The following SEMA3A variants were observed in gnomAD, a reference collection of about 807,000 sequenced individuals.
The protein encoded by SEMA3A is semaphorin 3A, also known as semaphorin-3A.
SEMA3A carries 29 observed loss-of-function variants against 97.9 expected under a neutral mutation model. The observed-to-expected ratio is 0.30, with a 90% confidence interval of 0.22 to 0.40. SEMA3A has a LOEUF of 0.40. SEMA3A is among the 10% of genes least tolerant of loss of function. The pLI is 1.00. For missense variants in SEMA3A, 763 were observed against 951.3 expected, an observed-to-expected ratio of 0.80 and a Z score of 2.60; for synonymous variants, 321 against 323.7, an observed-to-expected ratio of 0.99 and a Z score of 0.09.
chr7:84,219,289 T>C (rs1798820202), intron 3 of SEMA3A, among the ~76,000 whole-genome samples: 1 of 152,192 alleles, frequency 6.6e-6, no homozygotes, highest in African/African-American at 2.4e-5. Flanking sequence ...TTTTCAGATG[T>C]CTGACAGAAG....
intron 15 of SEMA3A, among the ~76,000 whole-genome samples, chr7:83,966,834 C>G (rs917683070): frequency 2.6e-5 from 4 of 151,960 alleles, no homozygotes; most frequent in Non-Finnish European, 5.9e-5. Flanking sequence ...GCCTCAGACT[C>G]CCTAGTAGCT....
intron 4 of SEMA3A, among the ~76,000 whole-genome samples, chr7:84,077,960 T>C (rs1794010521): frequency 6.6e-6 from 1 of 152,018 alleles, no homozygotes. Context: ...GATTATGAGA[T>C]AGGTGTTAAA....
intron 12 of SEMA3A, among the ~76,000 whole-genome samples, chr7:83,995,922 AT>A (rs1790197676): frequency 6.6e-6 from 1 of 152,202 alleles, no homozygotes. Flanking sequence ...TTATGTTTTC[AT>A]TTGAACAAAA....
chr7:84,017,314 A>G (rs889208557), intron 6 of SEMA3A, among the ~76,000 whole-genome samples: 1 of 152,228 alleles, frequency 6.6e-6, no homozygotes, highest in African/African-American at 2.4e-5. Flanking sequence ...TATCAAGTAT[A>G]TTCATTGCTG....
chr7:84,254,697 A>C (rs1054622748), intron 3 of SEMA3A, among the ~76,000 whole-genome samples: 1 of 152,164 alleles, frequency 6.6e-6, no homozygotes, highest in East Asian at 1.9e-4. Context: ...ACATATTTAC[A>C]AAATGGACTT....
rs184663452 is a variant in SEMA3A at position 84,360,249 on chromosome 7, C to A, written c.-169+11575G>T. Among the ~76,000 whole-genome samples the A allele has an allele frequency of 8.5e-5, 13 of 152,134 alleles. No individual in the cohort carries two copies. The Middle Eastern group carries it at 0.014, about 159-fold the overall frequency. On this transcript the variant is annotated intron_variant, in intron 2 of 3. Coordinates refer to the SEMA3A transcript ENST00000424555. The stretch of plus-strand genomic sequence containing the variant: ...TGATGTTAGGGTGTCAATTTTAGAT[C>A]ATTCCTGCTTTCTCTTGTGGGCATT...
intron 2 of SEMA3A, among the ~76,000 whole-genome samples, chr7:84,367,873 T>G (rs1802888066): frequency 6.6e-6 from 1 of 151,200 alleles, no homozygotes; most frequent in South Asian, 2.1e-4. Flanking sequence ...AAATCTACAA[T>G]TCTGTTTATC....
At position 84,296,521 on chromosome 7, in the gene SEMA3A, G is replaced by T. The variant is rs565219751; in HGVS notation, c.-83+10686C>A. ...TGTAGCAGAGTGGCAAGCCTATGTA[G>T]CAAGTTAGAGTAGTGTTGCTTTACA... On this transcript the variant is annotated intron_variant, in intron 3 of 3. Coordinates refer to the SEMA3A transcript ENST00000424555. 4.2e-4 allele frequency among the ~76,000 whole-genome samples: 64 copies of T among 152,234 alleles called. 1 individual carries two copies. The highest frequency in any genetic ancestry group is 1.5e-3 in the African/African-American group (62 of 41,548).
At chr7:84,263,404 T>C (rs1318663629) in intron 3 of SEMA3A, among the ~76,000 whole-genome samples, 1 of 152,220 alleles carries the variant, frequency 6.6e-6, no homozygotes, top group Non-Finnish European at 1.5e-5. Context: ...AACTTTAATA[T>C]TGGCAACAAG....
At position 83,959,867 on chromosome 7, in the gene SEMA3A, C is replaced by T. The variant is rs368414242; in HGVS notation, c.*1504G>A. The T allele has an allele frequency of 6.6e-6, 1 of 152,032 alleles. No homozygotes were observed. Among genetic ancestry groups the T allele is most frequent in the East Asian group, 1.9e-4 (1 of 5,198 alleles). 9.4% of individuals were successfully genotyped at this position (152,032 alleles called of 1,614,324 possible). A position where few individuals can be genotyped will look rare whatever the true frequency, so the allele number is the denominator to read the frequency against. On this transcript the variant is annotated 3_prime_UTR_variant, in exon 17 of 17. Coordinates refer to ENST00000265362, the MANE Select transcript of SEMA3A (RefSeq NM_006080.3). ...TCAAAGTCAGTGATTCTCAACGAAT[C>T]GTCTTAGGACAATGAAGGAAGCAAA... is the stretch of plus-strand genomic sequence containing the variant.
intron 15 of SEMA3A, among the ~76,000 whole-genome samples, chr7:83,970,209 A>G (rs1485059495): frequency 6.6e-6 from 1 of 152,220 alleles, no homozygotes; most frequent in African/African-American, 2.4e-5. Context: ...AATGTTTTTA[A>G]GGAAGCAATC....
intron 1 of SEMA3A, among the ~76,000 whole-genome samples, chr7:84,146,908 A>G (rs554922459): frequency 1.3e-5 from 2 of 152,324 alleles, no homozygotes; most frequent in African/African-American, 2.4e-5. Context: ...TTAAATACCT[A>G]TGAGCGGTAA....
At chr7:84,420,972 T>C (rs376228621) in intron 1 of SEMA3A, among the ~76,000 whole-genome samples, 2 of 152,120 alleles carry the variant, frequency 1.3e-5, no homozygotes, top group Non-Finnish European at 2.9e-5. Context: ...TAAAGGATTT[T>C]TTGTGTCTCT....
intron 1 of SEMA3A, among the ~76,000 whole-genome samples, chr7:84,490,291 T>A: frequency 6.6e-6 from 1 of 151,972 alleles, no homozygotes; most frequent in East Asian, 1.9e-4. Flanking sequence ...TTAAAATTAC[T>A]GTATTCATCC....
rs186415479 is a variant in SEMA3A at position 84,243,111 on chromosome 7, T to C, written c.-82-48443A>G. 7.3e-3 allele frequency among the ~76,000 whole-genome samples: 1,104 copies of C among 152,274 alleles called. 11 individuals carry two copies. Among genetic ancestry groups the C allele is most frequent in the African/African-American group, 0.025 (1,029 of 41,544 alleles). On this transcript the variant is annotated intron_variant, in intron 3 of 3. Coordinates refer to the SEMA3A transcript ENST00000424555. ...CAGGGATATTGGCCTGAAATTTTCT[T>C]TTTTTGTTGTGTCTCTGCCAGGTTT...
chr7:84,173,993 G>A (rs1476050149), intron 1 of SEMA3A, among the ~76,000 whole-genome samples: 1 of 152,178 alleles, frequency 6.6e-6, no homozygotes, highest in Non-Finnish European at 1.5e-5. Flanking sequence ...GCGCTGGGGA[G>A]CAGTTGCTAA....
chr7:84,212,953 T>G (rs1033592096), intron 3 of SEMA3A, among the ~76,000 whole-genome samples: 1 of 152,144 alleles, frequency 6.6e-6, no homozygotes, highest in South Asian at 2.1e-4. Flanking sequence ...TCAGTCTCTC[T>G]TCCTTATTTC....
At chr7:83,984,760 G>A (rs1228951929) in intron 13 of SEMA3A, among the ~76,000 whole-genome samples, 1 of 151,898 alleles carries the variant, frequency 6.6e-6, no homozygotes, top group Non-Finnish European at 1.5e-5. Flanking sequence ...TTTCTGAAGT[G>A]TCTTGCCAAA....
intron 3 of SEMA3A, among the ~76,000 whole-genome samples, chr7:84,285,932 G>A (rs1209290514): frequency 7.0e-6 from 1 of 142,366 alleles, no homozygotes; most frequent in Non-Finnish European, 1.5e-5. Flanking sequence ...ATGATCGACT[G>A]CACTGTAGAG....
Sources: gnomAD v4.1 joint callset for allele counts (sites outside exome capture counted in the v4.1 genomes callset) on GRCh38, gnomAD v4.1.1 for gene constraint, MANE v1.5 for transcripts, NCBI Gene and HGNC (gene_info 2026-07-23, HGNC 2026-07-21) for gene names.